ACSM1: variants seen among roughly 807,000 people sequenced by gnomAD.
The protein encoded by ACSM1 is acyl-CoA synthetase medium chain family member 1.
In ACSM1, 79 loss-of-function variants were observed where a neutral mutation model predicts 75.8. That is an observed-to-expected ratio of 1.04 (90% CI 0.87 to 1.26). ACSM1 has a LOEUF of 1.26. Ranked by LOEUF, ACSM1 falls within the 50% of genes most tolerant of loss-of-function variation. The probability of loss-of-function intolerance (pLI) is 0.00; values close to 1 mark genes in which losing one functional copy is unlikely to be tolerated. For synonymous variants in ACSM1, 279 were observed against 265.8 expected (o/e 1.05, Z -0.48); for missense variants, 676 against 720.1 (o/e 0.94, Z 0.70).
chr16:20,678,008 G>C (rs958876335), intron 4 of ACSM1, among the ~76,000 whole-genome samples: 1 of 64,310 alleles, frequency 1.6e-5, no homozygotes, highest in Non-Finnish European at 2.6e-5. Context: ...AATACTAAAG[G>C]CTAAAATAAA....
intron 1 of ACSM1, 125 bp from the exon 2 acceptor site, chr16:20,691,364 C>T (rs1221741085): frequency 5.7e-6 from 3 of 530,788 alleles, no homozygotes; most frequent in East Asian, 6.9e-5. Flanking sequence ...TGGAAGGCAC[C>T]CCTGATTGAT....
At chr16:20,657,073 A>C (rs192375560) in intron 7 of ACSM1, among the ~76,000 whole-genome samples, 6 of 152,256 alleles carry the variant, frequency 3.9e-5, no homozygotes, top group African/African-American at 1.4e-4. Flanking sequence ...TCCTGGGTAT[A>C]ATACTGCCAG....
rs767708956 is a variant in ACSM1 at position 20,691,167 on chromosome 16, G to A, written c.22C>T (p.Arg8Trp). Residue 8 changes from arginine (R) to tryptophan (W), a missense_variant, in exon 2 of 14, where the codon CGG becomes TGG. Physicochemically the swap from Arg to Trp is moderately radical, Grantham distance 101 (BLOSUM62 -3). Transcript: ENST00000520010. Reference sequence around the variant, plus strand: ...GATTTGTGGATGCCCCAGAGGGTCCGGAACCTCATTAGCCACTGCATGGTG... The same window carrying A: ...GATTTGTGGATGCCCCAGAGGGTCCAGAACCTCATTAGCCACTGCATGGTG... MQWLMRF[R>W]TLWGIHKSFH... is the part of the protein sequence containing the mutation. 9.4e-6 allele frequency: 15 copies of A among 1,600,620 alleles called. No individual in the cohort carries two copies. The African/African-American group carries it at 1.2e-4, about 13-fold the overall frequency.
intron 12 of ACSM1, 89 bp downstream of exon 12, chr16:20,625,334 A>C (rs1243745499): frequency 7.6e-7 from 1 of 1,310,582 alleles, no homozygotes; most frequent in South Asian, 1.3e-5. Flanking sequence ...CCTTCCACCA[A>C]GGCTGCACAG....
chr16:20,657,832 C>T (rs2019067309), intron 7 of ACSM1, among the ~76,000 whole-genome samples: 1 of 150,340 alleles, frequency 6.7e-6, no homozygotes, highest in South Asian at 2.1e-4. Context: ...TGTTCAACTC[C>T]CACCTATGAG....
intron 10 of ACSM1, among the ~76,000 whole-genome samples, chr16:20,635,578 CTTTT>C (rs879711009): frequency 2.5e-3 from 366 of 145,936 alleles, no homozygotes; most frequent in Non-Finnish European, 4.3e-3. Context: ...TTTAATTTTT[CTTTT>C]TCTTTCTTTC....
chr16:20,661,152 C>T (rs1409337974), intron 7 of ACSM1, among the ~76,000 whole-genome samples: 1 of 152,104 alleles, frequency 6.6e-6, no homozygotes, highest in Non-Finnish European at 1.5e-5. Flanking sequence ...GCGAAAACTA[C>T]AGAAATGTCC....
rs563894371 is a variant in ACSM1, at chr16:20,692,251, T to C, written c.-51-1012A>G. Among the ~76,000 whole-genome samples the C allele has an allele frequency of 3.9e-4, 60 of 152,322 alleles. 1 individual carries two copies. In the South Asian group the frequency reaches 0.012, roughly 31 times the overall value. Reference sequence around the variant, plus strand: ...CAGCCCTCAGGAAATCCTGAGACTATGTGGCCAAGGTGGTTGGGGTACGGC... The same window carrying C: ...CAGCCCTCAGGAAATCCTGAGACTACGTGGCCAAGGTGGTTGGGGTACGGC... On this transcript the variant is annotated intron_variant, in intron 1 of 13. Coordinates refer to ENST00000520010, the MANE Select transcript of ACSM1 (RefSeq NM_001318890.3).
At chr16:20,670,959 G>C (rs900390237) in intron 5 of ACSM1, among the ~76,000 whole-genome samples, 1 of 152,176 alleles carries the variant, frequency 6.6e-6, no homozygotes, top group Non-Finnish European at 1.5e-5. Flanking sequence ...GAGATGAGAA[G>C]GCGTAGAGAA....
chr16:20,628,593 T>C (rs375785901), intron 10 of ACSM1, among the ~76,000 whole-genome samples: 82 of 152,288 alleles, frequency 5.4e-4, no homozygotes, highest in Admixed American at 1.6e-3. Context: ...TTCATCCAAG[T>C]TGCATGCACA....
chr16:20,663,886 C>T (rs1343738504), intron 6 of ACSM1, among the ~76,000 whole-genome samples: 1 of 152,148 alleles, frequency 6.6e-6, no homozygotes, highest in Non-Finnish European at 1.5e-5. Flanking sequence ...CAAGGGAGCT[C>T]TGCTTAGTAG....
intron 7 of ACSM1, among the ~76,000 whole-genome samples, chr16:20,644,609 C>T (rs568286144): frequency 1.3e-5 from 2 of 151,796 alleles, no homozygotes; most frequent in East Asian, 1.9e-4. Flanking sequence ...GATAGGGAAA[C>T]TCTTGTAGAA....
chr16:20,639,545 G>GGGACAGTGTGAAAACGCCCTT (rs1220298839), intron 8 of ACSM1, among the ~76,000 whole-genome samples: 1 of 152,150 alleles, frequency 6.6e-6, no homozygotes, highest in African/African-American at 2.4e-5. Flanking sequence ...GATGATAACA[G>GGGACAGTGTGAAAACGCCCTT]GGACAGTGTG....
chr16:20,645,962 A>C (rs533834804), intron 7 of ACSM1, among the ~76,000 whole-genome samples: 1 of 152,362 alleles, frequency 6.6e-6, no homozygotes, highest in Non-Finnish European at 1.5e-5. Flanking sequence ...CTAATCTTAA[A>C]GGATAAGTTT....
At chr16:20,646,613 G>A (rs1394352336) in intron 7 of ACSM1, among the ~76,000 whole-genome samples, 1 of 152,162 alleles carries the variant, frequency 6.6e-6, no homozygotes, top group Non-Finnish European at 1.5e-5. Flanking sequence ...TGTGACTGGG[G>A]AACTTTACTC....
chr16:20,683,721 C>CTTTCTTTCTTTA (rs2079495473), intron 3 of ACSM1, among the ~76,000 whole-genome samples: 1 of 138,470 alleles, frequency 7.2e-6, no homozygotes, highest in Non-Finnish European at 1.5e-5. Flanking sequence ...CTCTCTCTTT[C>CTTTCTTTCTTTA]TTTCTTTCTT....
chr16:20,674,222 G>C (rs2020130738), intron 4 of ACSM1: 1 of 318,212 alleles, frequency 3.1e-6, no homozygotes, highest in African/African-American at 2.2e-5. Context: ...TTAACTGCCT[G>C]TTTCTCTGTC....
intron 4 of ACSM1, chr16:20,679,795 T>C (rs923369579): frequency 2.0e-5 from 3 of 152,212 alleles, no homozygotes; most frequent in African/African-American, 7.2e-5. Context: ...GCTATATGTA[T>C]GTTATGACCC....
chr16:20,627,312 T>C lies in ACSM1; in HGVS notation c.1304A>G (p.Asp435Gly). ...TTCCACTTTAGCTGTCTTCTCTGGG[T>C]CACCCTGCAAAAAGAAGAGAGCTCC... ...PVSLFMCYEG[D>G]PEKTAKVECG... Residue 435 changes from aspartate to glycine, a missense_variant, in exon 11 of 14, where the codon GAC becomes GGC. Transcript: ENST00000520010. 6.4e-7 allele frequency: 1 copy of C among 1,569,974 alleles called. No individual in the cohort carries two copies. Among genetic ancestry groups the C allele is most frequent in the Non-Finnish European group, 8.6e-7 (1 of 1,162,396 alleles).
Sources: allele counts gnomAD v4.1 joint callset (sites outside exome capture counted in the v4.1 genomes callset), GRCh38; gene constraint gnomAD v4.1.1; transcripts MANE v1.5; gene names NCBI Gene and HGNC (gene_info 2026-07-23, HGNC 2026-07-21).